Variants in ARID5A observed in about 807,000 individuals in gnomAD.
ARID5A encodes the protein AT-rich interactive domain-containing protein 5A.
ARID5A carries 14 observed loss-of-function variants against 30.5 expected under a neutral mutation model. The observed-to-expected ratio is 0.46, with a 90% confidence interval of 0.30 to 0.72. The LOEUF is 0.72. Among genes scored for constraint, ARID5A ranks in the 30% least tolerant of loss-of-function variants. The pLI, the probability that ARID5A is intolerant of heterozygous loss-of-function variation, is 0.07. For synonymous variants in ARID5A, 338 were observed against 340.4 expected (o/e 0.99, Z 0.08); for missense variants, 669 against 786.2 (o/e 0.85, Z 1.78).
chr2:96,550,728 G>A lies in ARID5A; in HGVS notation c.565G>A (p.Asp189Asn), dbSNP rs761835947. Residue 189 changes from aspartate (D) to asparagine (N), a missense_variant, in exon 6 of 7, where the codon GAC becomes AAC. Asp to Asn is a conservative substitution (Grantham distance 23, BLOSUM62 1). This residue lies in a region of ARID5A where 548 missense variants were observed against 577.4 expected (regional missense o/e 0.95). Transcript: ENST00000357485. This position sits in a 1 kb window ranked among gnomAD's most constrained non-coding sequence, Gnocchi z 6.6. ...GAAGGCCAAGGAGGAGCGGCGCATG[G>A]ACCAGGTAGGCCTGCGGCTGGCTGG... ...PKKAKEERRMDQMMPGKTKAD... is the reference protein window; with the variant it reads ...PKKAKEERRMNQMMPGKTKAD... 2.5e-6 allele frequency: 4 copies of A among 1,569,672 alleles called. No individual in the cohort carries two copies. The highest frequency in any genetic ancestry group is 3.5e-6 in the Non-Finnish European group (4 of 1,158,474).
In ARID5A at chr2:96,550,205, C is replaced by T. The variant is rs1284948493; in HGVS notation, c.330C>T (p.Leu110=). 1 of 1,535,216 alleles carries T rather than the reference C, an allele frequency of 6.5e-7. No individual in the cohort carries two copies. The highest frequency in any genetic ancestry group is 2.5e-5 in the East Asian group (1 of 40,422). Residue 110 remains leucine, a synonymous_variant, in exon 5 of 7, where the codon CTC becomes CTT. Coordinates refer to ENST00000357485, the MANE Select transcript of ARID5A (RefSeq NM_212481.3). This position sits in a 1 kb window ranked among gnomAD's most constrained non-coding sequence, Gnocchi z 6.6. ...CCTTGCAGGTGACCGGGCGCCGCCT[C>T]TGGAAGAACGTGTACGACGAGCTGG... The part of the protein sequence containing the change: ...GAYELVTGRR[L]WKNVYDELGG...
In ARID5A at chr2:96,537,092, G is replaced by T. The variant is rs1054375284; in HGVS notation, c.4+262G>T. On this transcript the variant is annotated intron_variant, in intron 1 of 6. Coordinates refer to ENST00000357485, the MANE Select transcript of ARID5A (RefSeq NM_212481.3). This position sits in a 1 kb window ranked among gnomAD's most constrained non-coding sequence, Gnocchi z 4.8. ...AAAGGAAAGACAAAAAGTTTTGGCGGCCAGGGGCTTCCCGGGCGTTTATCT... is the reference window on the plus strand; with the variant it reads ...AAAGGAAAGACAAAAAGTTTTGGCGTCCAGGGGCTTCCCGGGCGTTTATCT... Among the ~76,000 whole-genome samples, 5 of 152,168 alleles carry T rather than the reference G, an allele frequency of 3.3e-5. No homozygotes were observed. The highest frequency in any genetic ancestry group is 1.2e-4 in the African/African-American group (5 of 41,446).
At position 96,550,333 on chromosome 2, in the gene ARID5A, CT is replaced by C; in HGVS notation, c.410+51del. ...GCTGGACGCCGCCTACCCTGCGGGG[CT>C]TTGGCCGACCTTGCCGGGAGGGCCG... is the stretch of plus-strand genomic sequence containing the variant. On this transcript the variant is annotated intron_variant, in intron 5 of 6. Coordinates refer to ENST00000357485, the MANE Select transcript of ARID5A (RefSeq NM_212481.3). The surrounding 1 kb of genome is among the most constrained non-coding windows in gnomAD (Gnocchi z 6.6). 7.0e-7 allele frequency: 1 copy of C among 1,424,116 alleles called. No homozygotes were observed. Among genetic ancestry groups the C allele is most frequent in the Non-Finnish European group, 9.1e-7 (1 of 1,096,696 alleles). The allele number at this position is 1,424,116 out of a possible 1,614,324, so 88.2% of individuals were successfully genotyped here.
At chr2:96,538,335 G>A in intron 1 of ARID5A, 1 of 985,538 alleles carries the variant, frequency 1.0e-6, no homozygotes, top group Non-Finnish European at 1.2e-6. Context: ...AGAGGGACAG[G>A]GAGAATGGGG....
intron 2 of ARID5A, among the ~76,000 whole-genome samples, chr2:96,548,515 C>T (rs1191516487): frequency 6.6e-6 from 1 of 152,178 alleles, no homozygotes; most frequent in African/African-American, 2.4e-5. Context: ...ATCTCTCTGC[C>T]CACCTCGGCC....
intron 1 of ARID5A, among the ~76,000 whole-genome samples, chr2:96,546,957 G>C (rs1441742529): frequency 6.6e-6 from 1 of 152,108 alleles, no homozygotes; most frequent in African/African-American, 2.4e-5. Context: ...GCCCAACCCC[G>C]GCCTCCTGTG....
chr2:96,552,453 G>A lies in ARID5A; in HGVS notation c.*140G>A, dbSNP rs1223134392. 1 of 1,545,334 alleles carries A rather than the reference G, an allele frequency of 6.5e-7. No individual in the cohort carries two copies. The highest frequency in any genetic ancestry group is 1.2e-5 in the South Asian group (1 of 84,322). ...CCTGGCTGGGCAGCCTGGCACAAGTGAAGAAGAAGGCAGTGGGAAAACTGG... is the reference window on the plus strand; with the variant it reads ...CCTGGCTGGGCAGCCTGGCACAAGTAAAGAAGAAGGCAGTGGGAAAACTGG... On this transcript the variant is annotated 3_prime_UTR_variant, in exon 7 of 7. Transcript: ENST00000357485.
In ARID5A at chr2:96,551,595, G is replaced by A; in HGVS notation, c.1067G>A (p.Ser356Asn). 1.3e-6 allele frequency: 2 copies of A among 1,575,970 alleles called. No homozygotes were observed. Among genetic ancestry groups the A allele is most frequent in the Non-Finnish European group, 1.7e-6 (2 of 1,165,238 alleles). The stretch of plus-strand genomic sequence containing the variant: ...CCCACCGAGGTGCTGAAGCCTGTCA[G>A]CCAGCACCCCAGGGACTTCTTCTCT... ...THPTEVLKPV[S>N]QHPRDFFSRL... The change falls in exon 7 of 7, where the codon AGC (serine) becomes AAC (asparagine). Residue 356 changes from serine (S) to asparagine (N), a missense_variant. Physicochemically the swap from Ser to Asn is conservative, Grantham distance 46. Around this residue, in one of 4 missense-constraint regions of ARID5A, gnomAD observed 548 missense variants for 577.4 expected, o/e 0.95. Transcript: ENST00000357485.
chr2:96,537,993 A>G lies in ARID5A; in HGVS notation c.4+1163A>G. 1 of 985,410 alleles carries G rather than the reference A, an allele frequency of 1.0e-6. No homozygotes were observed. Among genetic ancestry groups the G allele is most frequent in the Non-Finnish European group, 1.2e-6 (1 of 829,950 alleles). The allele number at this position is 985,410 out of a possible 1,614,324, so 61.0% of individuals were successfully genotyped here. On this transcript the variant is annotated intron_variant, in intron 1 of 6. Transcript: ENST00000357485. The surrounding 1 kb of genome is among the most constrained non-coding windows in gnomAD (Gnocchi z 4.8). Reference sequence around the variant, plus strand: ...CACGCACGGTGGCGTCACTGCGCCTACAGGCAACGCTAGAGCACAGGAGGG... The same window carrying G: ...CACGCACGGTGGCGTCACTGCGCCTGCAGGCAACGCTAGAGCACAGGAGGG...
Position 96,551,817 on chromosome 2 carries a change from C to G in ARID5A, c.1289C>G (p.Thr430Arg). The G allele has an allele frequency of 1.3e-6, 2 of 1,593,660 alleles. No individual in the cohort carries two copies. Among genetic ancestry groups the G allele is most frequent in the Non-Finnish European group, 1.7e-6 (2 of 1,171,256 alleles). Residue 430 changes from threonine (T) to arginine (R), a missense_variant, in exon 7 of 7, where the codon ACG becomes AGG. This residue lies in a region of ARID5A where 548 missense variants were observed against 577.4 expected (regional missense o/e 0.95). Transcript: ENST00000357485. ...GCCAAGGTCCCAGCCGAGAGCCCCA[C>G]GCTCCCGCCCACCTTCCCCAGTAGC... is the stretch of plus-strand genomic sequence containing the variant. ...PMAKVPAESP[T>R]LPPTFPSSPG...
Position 96,549,867 on chromosome 2 carries a change from T to C in ARID5A, c.312+62T>C. ...TATCCCTGGGGTGAGCCTGCAGCGC[T>C]GTCCTTGCCTCTGGACAGAGGAAGA... is the stretch of plus-strand genomic sequence containing the variant. On this transcript the variant is annotated intron_variant, in intron 4 of 6. Coordinates refer to ENST00000357485, the MANE Select transcript of ARID5A (RefSeq NM_212481.3). The surrounding 1 kb of genome is among the most constrained non-coding windows in gnomAD (Gnocchi z 6.1). 6.3e-7 allele frequency: 1 copy of C among 1,580,138 alleles called. No homozygotes were observed. The highest frequency in any genetic ancestry group is 8.6e-7 in the Non-Finnish European group (1 of 1,161,896).
At position 96,552,023 on chromosome 2, in the gene ARID5A, G is replaced by T; in HGVS notation, c.1495G>T (p.Ala499Ser). 1 of 1,534,976 alleles carries T rather than the reference G, an allele frequency of 6.5e-7. No individual in the cohort carries two copies. The highest frequency in any genetic ancestry group is 2.3e-5 in the East Asian group (1 of 44,130). ...GPALGPVPPE[A>S]YRGTMLHCPL... The stretch of plus-strand genomic sequence containing the variant: ...AGCCCTGGGGCCTGTGCCCCCAGAG[G>T]CCTACAGGGGCACCATGCTGCACTG... The change falls in exon 7 of 7, where the codon GCC (alanine) becomes TCC (serine). Residue 499 changes from alanine to serine, a missense_variant. This residue lies in a region of ARID5A where 548 missense variants were observed against 577.4 expected (regional missense o/e 0.95). Coordinates refer to ENST00000357485, the MANE Select transcript of ARID5A (RefSeq NM_212481.3).
chr2:96,551,225 A>G lies in ARID5A; in HGVS notation c.697A>G (p.Ser233Gly). Residue 233 changes from serine (S) to glycine (G), a missense_variant, in exon 7 of 7, where the codon AGC becomes GGC. By Grantham distance (56) the Ser-to-Gly change is moderately conservative. This residue lies in a region of ARID5A where 548 missense variants were observed against 577.4 expected (regional missense o/e 0.95). Transcript: ENST00000357485. ...SGSSVSFVGA[S>G]GCPEAYKRLL... ...GTCTTCTGTGTCCTTTGTGGGTGCC[A>G]GCGGCTGTCCTGAGGCCTACAAGCG... 6.2e-7 allele frequency: 1 copy of G among 1,613,968 alleles called. No homozygotes were observed. Among genetic ancestry groups the G allele is most frequent in the Non-Finnish European group, 8.5e-7 (1 of 1,180,006 alleles).
chr2:96,549,838 T>C lies in ARID5A; in HGVS notation c.312+33T>C. On this transcript the variant is annotated intron_variant, in intron 4 of 6. Coordinates refer to ENST00000357485, the MANE Select transcript of ARID5A (RefSeq NM_212481.3). This position sits in a 1 kb window ranked among gnomAD's most constrained non-coding sequence, Gnocchi z 6.1. ...AGGCACCTCCCAGTCCTTGCCAAAC[T>C]GCATATCCCTGGGGTGAGCCTGCAG... The C allele has an allele frequency of 1.2e-6, 2 of 1,603,534 alleles. No homozygotes were observed. Among genetic ancestry groups the C allele is most frequent in the Non-Finnish European group, 8.5e-7 (1 of 1,174,572 alleles).
At position 96,547,433 on chromosome 2, in the gene ARID5A, C is replaced by CCTAGAACGGAGGGTGA; in HGVS notation, c.36_37insCTAGAACGGAGGGTGA (p.Thr13LeufsTer9). 6.2e-7 allele frequency: 1 copy of CCTAGAACGGAGGGTGA among 1,613,982 alleles called. No individual in the cohort carries two copies. Among genetic ancestry groups the CCTAGAACGGAGGGTGA allele is most frequent in the Non-Finnish European group, 8.5e-7 (1 of 1,179,980 alleles). ...CTGTCAAAGGGAACAGGAAGCAGTC[C>CCTAGAACGGAGGGTGA]ACGGAGGGTGACGCCCTAGACCCAC... On this transcript the variant is annotated frameshift_variant, in exon 2 of 7. Transcript: ENST00000357485. LOFTEE classifies it high-confidence loss of function.
At chr2:96,548,682 C>T (rs936044644) in intron 2 of ARID5A, among the ~76,000 whole-genome samples, 7 of 152,310 alleles carry the variant, frequency 4.6e-5, no homozygotes, top group South Asian at 2.1e-4. Context: ...CTCTCTGCCC[C>T]GAGCCACTCG....
Position 96,550,790 on chromosome 2 carries a change from C to T in ARID5A, c.570+57C>T, listed in dbSNP as rs2066024543. On this transcript the variant is annotated intron_variant, in intron 6 of 6. Transcript: ENST00000357485. This position sits in a 1 kb window ranked among gnomAD's most constrained non-coding sequence, Gnocchi z 6.6. ...CCCTTGCCTCTTGTAGCCCCCTACC[C>T]CACAACTCCCTGTGGCCGCGGAGCT... is the stretch of plus-strand genomic sequence containing the variant. 1 of 1,487,544 alleles carries T rather than the reference C, an allele frequency of 6.7e-7. No individual in the cohort carries two copies. Among genetic ancestry groups the T allele is most frequent in the African/African-American group, 1.4e-5 (1 of 70,352 alleles). 92.1% of individuals were successfully genotyped at this position (1,487,544 alleles called of 1,614,324 possible).
At position 96,537,909 on chromosome 2, in the gene ARID5A, C is replaced by A. The variant is rs2065770253; in HGVS notation, c.4+1079C>A. On this transcript the variant is annotated intron_variant, in intron 1 of 6. Transcript: ENST00000357485. This position sits in a 1 kb window ranked among gnomAD's most constrained non-coding sequence, Gnocchi z 4.8. The stretch of plus-strand genomic sequence containing the variant: ...GGGCCAGTAAGGAGTGCTCCGCGGG[C>A]CCCAGGGGAGGACAACAGGTGCCTC... The A allele has an allele frequency of 6.1e-6, 6 of 985,504 alleles. No individual in the cohort carries two copies. The South Asian group carries it at 2.8e-4, about 46-fold the overall frequency. The allele number at this position is 985,504 out of a possible 1,614,324, so 61.0% of individuals were successfully genotyped here. A position where few individuals can be genotyped will look rare whatever the true frequency, so the allele number is the denominator to read the frequency against.
chr2:96,545,849 G>A (rs1169491923), intron 1 of ARID5A, among the ~76,000 whole-genome samples: 1 of 151,988 alleles, frequency 6.6e-6, no homozygotes, highest in East Asian at 1.9e-4. Flanking sequence ...AGCTACTCGG[G>A]AGGCTGAGGC....
Sources: allele counts gnomAD v4.1 joint callset (sites outside exome capture counted in the v4.1 genomes callset), GRCh38; gene constraint gnomAD v4.1.1; regional missense constraint gnomAD v4.1.1; non-coding constraint Gnocchi (gnomAD v3.1); transcripts MANE v1.5; gene names NCBI Gene and HGNC (gene_info 2026-07-23, HGNC 2026-07-21).